Variants in PIM1 observed in about 807,000 individuals in gnomAD.
PIM1 encodes the protein serine/threonine-protein kinase pim-1.
A neutral mutation model predicts 34.5 loss-of-function variants in PIM1; 9 were observed. That is an observed-to-expected ratio of 0.26 (90% CI 0.16 to 0.46). PIM1 has a LOEUF of 0.46. PIM1 is among the 20% of genes least tolerant of loss of function. PIM1 has a pLI of 1.00. For synonymous variants in PIM1, 199 were observed against 175.2 expected (o/e 1.14, Z -1.07); for missense variants, 274 against 410.9 (o/e 0.67, Z 2.88).
chr6:37,171,534 G>C (rs774908190), intron 4 of PIM1, 43 bp downstream of exon 4: 1 of 1,594,476 alleles, frequency 6.3e-7, no homozygotes, highest in South Asian at 1.1e-5. Context: ...GACTCGGCCC[G>C]GCCCGGCCCA....
At chr6:37,171,082 C>G in intron 3 of PIM1, 43 bp from the exon 4 acceptor site, 1 of 1,613,676 alleles carries the variant, frequency 6.2e-7, no homozygotes. Flanking sequence ...GGGTGAGGGG[C>G]GCCCCCGACT....
chr6:37,170,433 C>A lies in PIM1; in HGVS notation c.-143C>A, dbSNP rs754086314. The stretch of plus-strand genomic sequence containing the variant: ...TCCGACTCGCCCTCGGCCTTCCGCG[C>A]CAGCCGCAGCCACAGCCGCAACGCC... On this transcript the variant is annotated 5_prime_UTR_variant, in exon 1 of 6. Transcript: ENST00000373509. The A allele has an allele frequency of 8.5e-6, 13 of 1,537,832 alleles. No homozygotes were observed. Among genetic ancestry groups the A allele is most frequent in the Admixed American group, 2.0e-5 (1 of 51,008 alleles).
At chr6:37,170,925 G>T (rs562563238) in intron 2 of PIM1, 46 bp downstream of exon 2, 7 of 1,612,786 alleles carry the variant, frequency 4.3e-6, no homozygotes, top group African/African-American at 1.3e-5. Context: ...GGCGGGGGGC[G>T]CACGGGCGTG....
intron 4 of PIM1, 81 bp downstream of exon 4, chr6:37,171,572 G>T: frequency 6.6e-7 from 1 of 1,514,796 alleles, no homozygotes; most frequent in Non-Finnish European, 8.8e-7. Context: ...AGTCTCCCGC[G>T]CCAGCCTTTT....
rs891437537 is a variant in PIM1, at chr6:37,174,460, G to C, written c.*369G>C. 3.8e-6 allele frequency: 1 copy of C among 265,342 alleles called. No individual in the cohort carries two copies. The highest frequency in any genetic ancestry group is 7.3e-6 in the Non-Finnish European group (1 of 136,442). The allele number at this position is 265,342 out of a possible 1,614,324, so 16.4% of individuals were successfully genotyped here. On this transcript the variant is annotated 3_prime_UTR_variant, in exon 6 of 6. Transcript: ENST00000373509. ...TGAATGCCGCGATGGGTCAGGTAGGGGGGAAACAGGTTGGGATGGGATAGG... is the reference window on the plus strand; with the variant it reads ...TGAATGCCGCGATGGGTCAGGTAGGCGGGAAACAGGTTGGGATGGGATAGG...
Position 37,174,115 on chromosome 6 carries a change from C to A in PIM1, c.*24C>A, listed in dbSNP as rs753077427. On this transcript the variant is annotated 3_prime_UTR_variant, in exon 6 of 6. Coordinates refer to ENST00000373509, the MANE Select transcript of PIM1 (RefSeq NM_002648.4). ...AGCAGCCTTTCTGGCAGGTCCTCCC[C>A]TCTCTTGTCAGATGCCCGAGGGAGG... The A allele has an allele frequency of 1.1e-5, 18 of 1,600,236 alleles. No individual in the cohort carries two copies. The Admixed American group carries it at 2.3e-4, about 20-fold the overall frequency.
Position 37,174,061 on chromosome 6 carries a change from C to T in PIM1, c.912C>T (p.Leu304=), listed in dbSNP as rs1225574953. The T allele has an allele frequency of 6.2e-7, 1 of 1,613,858 alleles. No homozygotes were observed. The highest frequency in any genetic ancestry group is 1.3e-5 in the African/African-American group (1 of 74,890). ...CCCAGGAAACTGCTGAGATCCACCT[C>T]CACAGCCTGTCGCCGGGGCCCAGCA... ...LLPQETAEIH[L]HSLSPGPSK The change falls in exon 6 of 6, where the codon CTC becomes CTT. Residue 304 remains leucine, a synonymous_variant. Transcript: ENST00000373509.
At chr6:37,171,079 G>T (rs753169693) in intron 3 of PIM1, 46 bp from the exon 4 acceptor site, 13 of 1,613,714 alleles carry the variant, frequency 8.1e-6, no homozygotes, top group Non-Finnish European at 9.3e-6. Context: ...GTGGGGTGAG[G>T]GGCGCCCCCG....
rs1306892742 is a variant in PIM1 at position 37,175,310 on chromosome 6, T to A, written c.*1219T>A. 1 of 233,642 alleles carries A rather than the reference T, an allele frequency of 4.3e-6. No homozygotes were observed. Among genetic ancestry groups the A allele is most frequent in the African/African-American group, 2.2e-5 (1 of 45,442 alleles). 14.5% of individuals were successfully genotyped at this position (233,642 alleles called of 1,614,324 possible). A position where few individuals can be genotyped will look rare whatever the true frequency, so the allele number is the denominator to read the frequency against. ...CTTCCAGATCCTCTCTGGGGCTGTG[T>A]TTTGAGCAGCAGGTAGCCTGCTGGT... On this transcript the variant is annotated 3_prime_UTR_variant, in exon 6 of 6. Coordinates refer to ENST00000373509, the MANE Select transcript of PIM1 (RefSeq NM_002648.4).
Position 37,171,266 on chromosome 6 carries a change from GATCTCTTCGACTTC to G in PIM1, c.386_399del (p.Leu129HisfsTer75). On this transcript the variant is annotated frameshift_variant, in exon 4 of 6. Coordinates refer to ENST00000373509, the MANE Select transcript of PIM1 (RefSeq NM_002648.4). LOFTEE classifies it high-confidence loss of function. ...CCTGGAGAGGCCCGAGCCGGTGCAA[GATCTCTTCGACTTC>G]ATCACGGAAAGGGGAGCCCTGCAAG... is the stretch of plus-strand genomic sequence containing the variant. 1 of 1,614,186 alleles carries G rather than the reference GATCTCTTCGACTTC, an allele frequency of 6.2e-7. No individual in the cohort carries two copies. Among genetic ancestry groups the G allele is most frequent in the Non-Finnish European group, 8.5e-7 (1 of 1,180,048 alleles).
rs146002992 is a variant in PIM1, at chr6:37,170,463, GCAGCCA to G, written c.-95_-90del. On this transcript the variant is annotated 5_prime_UTR_variant, in exon 1 of 6. Coordinates refer to ENST00000373509, the MANE Select transcript of PIM1 (RefSeq NM_002648.4). ...CGCAGCCACAGCCGCAACGCCACCC[GCAGCCA>G]CAGCCACAGCCACAGCCCCAGGCAT... is the stretch of plus-strand genomic sequence containing the variant. The G allele has an allele frequency of 3.3e-5, 51 of 1,557,778 alleles. No individual in the cohort carries two copies. The highest frequency in any genetic ancestry group is 1.9e-4 in the African/African-American group (14 of 73,154).
Position 37,171,389 on chromosome 6 carries a change from A to C in PIM1, c.505A>C (p.Lys169Gln). 1 of 1,614,030 alleles carries C rather than the reference A, an allele frequency of 6.2e-7. No homozygotes were observed. Among genetic ancestry groups the C allele is most frequent in the Non-Finnish European group, 8.5e-7 (1 of 1,180,016 alleles). The change falls in exon 4 of 6, where the codon AAG becomes CAG. Residue 169 changes from lysine (K) to glutamine (Q), a missense_variant. This residue lies in a region of PIM1 where 168 missense variants were observed against 299.4 expected (regional missense o/e 0.56). Transcript: ENST00000373509. The stretch of plus-strand genomic sequence containing the variant: ...CTGCGGGGTGCTCCACCGCGACATC[A>C]AGGACGAAAACATCCTTATCGACCT... Reference protein sequence around the residue: ...HNCGVLHRDIKDENILIDLNR... With the variant: ...HNCGVLHRDIQDENILIDLNR...
Position 37,175,294 on chromosome 6 carries a change from C to T in PIM1, c.*1203C>T, listed in dbSNP as rs1003700290. ...GTTCTGGATGGTGTGCCTTCCAGAT[C>T]CTCTCTGGGGCTGTGTTTTGAGCAG... On this transcript the variant is annotated 3_prime_UTR_variant, in exon 6 of 6. Transcript: ENST00000373509. 1 of 233,446 alleles carries T rather than the reference C, an allele frequency of 4.3e-6. No homozygotes were observed. The highest frequency in any genetic ancestry group is 5.6e-5 in the Admixed American group (1 of 17,754). The allele number at this position is 233,446 out of a possible 1,614,324, so 14.5% of individuals were successfully genotyped here.
chr6:37,170,429 C>T lies in PIM1; in HGVS notation c.-147C>T. ...GTCCTCCGACTCGCCCTCGGCCTTC[C>T]GCGCCAGCCGCAGCCACAGCCGCAA... On this transcript the variant is annotated 5_prime_UTR_variant, in exon 1 of 6. Coordinates refer to ENST00000373509, the MANE Select transcript of PIM1 (RefSeq NM_002648.4). The T allele has an allele frequency of 6.5e-7, 1 of 1,537,158 alleles. No homozygotes were observed. Among genetic ancestry groups the T allele is most frequent in the South Asian group, 1.2e-5 (1 of 84,530 alleles).
chr6:37,175,385 T>G lies in PIM1; in HGVS notation c.*1294T>G. 1 of 232,366 alleles carries G rather than the reference T, an allele frequency of 4.3e-6. No homozygotes were observed. The highest frequency in any genetic ancestry group is 8.5e-6 in the Non-Finnish European group (1 of 117,238). 14.4% of individuals were successfully genotyped at this position (232,366 alleles called of 1,614,324 possible). ...GGGGAATAAAAGAGATCTTATTTTTTTTTTTATACTTGGCGTTTTTTGAAT... is the reference window on the plus strand; with the variant it reads ...GGGGAATAAAAGAGATCTTATTTTTGTTTTTATACTTGGCGTTTTTTGAAT... On this transcript the variant is annotated 3_prime_UTR_variant, in exon 6 of 6. Transcript: ENST00000373509.
In PIM1 at chr6:37,170,157, T is replaced by G; in HGVS notation, c.-419T>G. The G allele has an allele frequency of 1.2e-6, 1 of 846,614 alleles. No individual in the cohort carries two copies. The highest frequency in any genetic ancestry group is 1.5e-6 in the Non-Finnish European group (1 of 674,986). The allele number at this position is 846,614 out of a possible 1,614,324, so 52.4% of individuals were successfully genotyped here. A position where few individuals can be genotyped will look rare whatever the true frequency, so the allele number is the denominator to read the frequency against. ...CCGGCGCGCTCCTCCCCTTTACTCCTGGCTGCGGGGCGAGCCGGGCGTCTG... is the reference window on the plus strand; with the variant it reads ...CCGGCGCGCTCCTCCCCTTTACTCCGGGCTGCGGGGCGAGCCGGGCGTCTG... On this transcript the variant is annotated 5_prime_UTR_variant, in exon 1 of 6. Coordinates refer to ENST00000373509, the MANE Select transcript of PIM1 (RefSeq NM_002648.4).
Position 37,173,006 on chromosome 6 carries a change from G to A in PIM1, c.618G>A (p.Val206=), listed in dbSNP as rs367939225. Residue 206 remains valine, a synonymous_variant, in exon 5 of 6, where the codon GTG becomes GTA. Coordinates refer to ENST00000373509, the MANE Select transcript of PIM1 (RefSeq NM_002648.4). ...TCCCTTGGCTCACAGGGACCCGAGTGTATAGCCCTCCAGAGTGGATCCGCT... is the reference window on the plus strand; with the variant it reads ...TCCCTTGGCTCACAGGGACCCGAGTATATAGCCCTCCAGAGTGGATCCGCT... ...TVYTDFDGTR[V]YSPPEWIRYH... 1.9e-6 allele frequency: 3 copies of A among 1,614,100 alleles called. No homozygotes were observed. The highest frequency in any genetic ancestry group is 1.1e-5 in the South Asian group (1 of 91,082).
At position 37,171,410 on chromosome 6, in the gene PIM1, G is replaced by C; in HGVS notation, c.526G>C (p.Asp176His). The C allele has an allele frequency of 6.2e-7, 1 of 1,614,038 alleles. No individual in the cohort carries two copies. The highest frequency in any genetic ancestry group is 8.5e-7 in the Non-Finnish European group (1 of 1,180,044). The change falls in exon 4 of 6, where the codon GAC (aspartate) becomes CAC (histidine). Residue 176 changes from aspartate to histidine, a missense_variant. Coordinates refer to ENST00000373509, the MANE Select transcript of PIM1 (RefSeq NM_002648.4). ...RDIKDENILI[D>H]LNRGELKLID... ...CATCAAGGACGAAAACATCCTTATC[G>C]ACCTCAATCGCGGCGAGCTCAAGCT... is the stretch of plus-strand genomic sequence containing the variant.
chr6:37,173,312 AT>A, intron 5 of PIM1, 140 bp downstream of exon 5: 1 of 742,906 alleles, frequency 1.3e-6, no homozygotes. Context: ...TAGGTGAGTG[AT>A]TTACACTTGA....
Sources: gnomAD v4.1 joint callset for allele counts on GRCh38, gnomAD v4.1.1 for gene constraint, gnomAD v4.1.1 regional missense constraint, MANE v1.5 for transcripts, NCBI Gene and HGNC (gene_info 2026-07-23, HGNC 2026-07-21) for gene names.